NPHP1: variants seen among roughly 807,000 people sequenced by gnomAD.
NPHP1 encodes the protein nephrocystin-1.
A neutral mutation model predicts 90.4 loss-of-function variants in NPHP1; 70 were observed. The ratio of observed to expected loss-of-function variants is 0.77; its 90% CI spans 0.64 to 0.95. The LOEUF is 0.95. NPHP1 is among the 40% of genes least tolerant of loss of function. The pLI, the probability that NPHP1 is intolerant of heterozygous loss-of-function variation, is 0.00. For synonymous variants in NPHP1, 256 were observed against 271.7 expected (o/e 0.94, Z 0.57); for missense variants, 764 against 795.9 (o/e 0.96, Z 0.48).
chr2:110,125,869 G>A, intron 18 of NPHP1, 188 bp from the exon 19 acceptor site: 1 of 615,880 alleles, frequency 1.6e-6, no homozygotes, highest in Non-Finnish European at 2.9e-6. Context: ...TGACCAGGCA[G>A]ATGTATCTGT....
At chr2:110,162,231 T>C (rs1682397750) in intron 9 of NPHP1, among the ~76,000 whole-genome samples, 1 of 151,982 alleles carries the variant, frequency 6.6e-6, no homozygotes, top group Admixed American at 6.6e-5. Flanking sequence ...TAGTTTACAG[T>C]TGAATGGGAG....
At chr2:110,197,539 A>G (rs534373799) in intron 2 of NPHP1, among the ~76,000 whole-genome samples, 1 of 152,208 alleles carries the variant, frequency 6.6e-6, no homozygotes, top group South Asian at 2.1e-4. Context: ...TAAAACACGT[A>G]TATTGGGATT....
chr2:110,166,235 T>C (rs2104565736), intron 6 of NPHP1, among the ~76,000 whole-genome samples: 1 of 152,340 alleles, frequency 6.6e-6, no homozygotes, highest in Middle Eastern at 3.4e-3. Flanking sequence ...GAACCAGTGA[T>C]GAACATCTAG....
intron 18 of NPHP1, chr2:110,126,044 C>T (rs989297941): frequency 1.4e-5 from 4 of 294,554 alleles, no homozygotes; most frequent in Admixed American, 9.6e-5. Flanking sequence ...GAAAACACTG[C>T]CAAATACCAA....
chr2:110,184,064 T>C (rs1270976979), intron 2 of NPHP1: 2 of 518,158 alleles, frequency 3.9e-6, no homozygotes, highest in Non-Finnish European at 7.7e-6. Flanking sequence ...CCGTGGAGTC[T>C]TACGATACAA....
intron 2 of NPHP1, chr2:110,185,162 T>C: frequency 1.8e-6 from 1 of 566,296 alleles, no homozygotes; most frequent in Non-Finnish European, 3.5e-6. Flanking sequence ...GCCTGATCTA[T>C]CCACAGGAAA....
intron 2 of NPHP1, among the ~76,000 whole-genome samples, chr2:110,197,249 C>G (rs546503914): frequency 6.6e-6 from 1 of 152,142 alleles, no homozygotes; most frequent in Admixed American, 6.5e-5. Flanking sequence ...ACCTATGTAA[C>G]AAACCTGCAC....
At chr2:110,149,794 C>T (rs1379042886) in intron 12 of NPHP1, among the ~76,000 whole-genome samples, 2 of 152,190 alleles carry the variant, frequency 1.3e-5, no homozygotes, top group Non-Finnish European at 2.9e-5. Flanking sequence ...AATGCCATTC[C>T]AGTCTTGACA....
chr2:110,139,709 G>C (rs1298306658), intron 16 of NPHP1, among the ~76,000 whole-genome samples: 1 of 152,180 alleles, frequency 6.6e-6, no homozygotes, highest in Non-Finnish European at 1.5e-5. Flanking sequence ...ATGTCCTTTG[G>C]CATAATGGAA....
At chr2:110,144,627 G>C (rs1509418) in intron 14 of NPHP1, 58 bp from the exon 15 acceptor site, 5 of 976,158 alleles carry the variant, frequency 5.1e-6, no homozygotes, top group Non-Finnish European at 8.3e-6. Context: ...GAAAACACTG[G>C]AGTCAGTAGT....
chr2:110,159,043 T>C (rs1393790601), intron 11 of NPHP1, among the ~76,000 whole-genome samples: 1 of 152,122 alleles, frequency 6.6e-6, no homozygotes, highest in African/African-American at 2.4e-5. Context: ...ATCATATGAT[T>C]TTTCTTATGG....
chr2:110,188,062 C>A (rs1434939228), intron 2 of NPHP1, among the ~76,000 whole-genome samples: 1 of 152,162 alleles, frequency 6.6e-6, no homozygotes, highest in Non-Finnish European at 1.5e-5. Context: ...CAATATCATA[C>A]TGAATGGGCA....
intron 6 of NPHP1, 65 bp from the exon 7 acceptor site, chr2:110,165,220 A>G: frequency 5.7e-6 from 7 of 1,222,752 alleles, no homozygotes; most frequent in Non-Finnish European, 6.1e-6. Flanking sequence ...TAAAAATACC[A>G]GTACTGCCAC....
chr2:110,171,144 AAGG>A (rs1683102895), intron 4 of NPHP1, among the ~76,000 whole-genome samples: 1 of 152,138 alleles, frequency 6.6e-6, no homozygotes. Context: ...GATGAAGAGA[AAGG>A]AGGTGAATCT....
chr2:110,166,793 A>G (rs1453486806), intron 6 of NPHP1, among the ~76,000 whole-genome samples: 1 of 152,158 alleles, frequency 6.6e-6, no homozygotes, highest in African/African-American at 2.4e-5. Flanking sequence ...GATAGTGATT[A>G]TAGGTTGGAA....
intron 2 of NPHP1, among the ~76,000 whole-genome samples, chr2:110,195,998 T>A (rs900161460): frequency 1.3e-5 from 2 of 152,132 alleles, no homozygotes; most frequent in African/African-American, 4.8e-5. Flanking sequence ...TATACAAAAA[T>A]TAATTCAAGA....
At chr2:110,162,107 T>C (rs927156464) in intron 9 of NPHP1, among the ~76,000 whole-genome samples, 3 of 152,160 alleles carry the variant, frequency 2.0e-5, no homozygotes, top group Admixed American at 2.0e-4. Context: ...ATAATACTTT[T>C]AATAACATCA....
At chr2:110,160,756 G>C (rs1373526646) in intron 10 of NPHP1, among the ~76,000 whole-genome samples, 1 of 152,086 alleles carries the variant, frequency 6.6e-6, no homozygotes, top group Non-Finnish European at 1.5e-5. Flanking sequence ...CTGCTTCATA[G>C]GTATAATTCA....
At chr2:110,150,022 G>A (rs898540735) in intron 12 of NPHP1, among the ~76,000 whole-genome samples, 160 bp downstream of exon 12, 1 of 152,144 alleles carries the variant, frequency 6.6e-6, no homozygotes, top group Non-Finnish European at 1.5e-5. Flanking sequence ...TACTAACATT[G>A]GTGAGTCAGA....
Sources: gnomAD v4.1 joint callset for allele counts (sites outside exome capture counted in the v4.1 genomes callset) on GRCh38, gnomAD v4.1.1 for gene constraint, MANE v1.5 for transcripts, NCBI Gene and HGNC (gene_info 2026-07-23, HGNC 2026-07-21) for gene names.